The following KATNIP variants were observed in gnomAD, a reference collection of about 807,000 sequenced individuals.
The protein encoded by KATNIP is katanin-interacting protein.
In KATNIP, 126 loss-of-function variants were observed where a neutral mutation model predicts 174.0. The ratio of observed to expected loss-of-function variants is 0.72; its 90% CI spans 0.63 to 0.84. The LOEUF is 0.84. Among genes scored for constraint, KATNIP ranks in the 40% least tolerant of loss-of-function variants. The probability of loss-of-function intolerance (pLI) is 0.00; values close to 1 mark genes in which losing one functional copy is unlikely to be tolerated. For synonymous variants in KATNIP, 810 were observed against 835.7 expected, an observed-to-expected ratio of 0.97 and a Z score of 0.53; for missense variants, 1,958 against 2,109.7, an observed-to-expected ratio of 0.93 and a Z score of 1.41.
intron 1 of KATNIP, among the ~76,000 whole-genome samples, chr16:27,573,669 G>A (rs1278314332): frequency 6.6e-6 from 1 of 152,230 alleles, no homozygotes; most frequent in Non-Finnish European, 1.5e-5. Context: ...AAAGGCTGGA[G>A]CTTTGTTCAT....
intron 2 of KATNIP, among the ~76,000 whole-genome samples, chr16:27,599,776 G>A (rs1436526132): frequency 6.6e-6 from 1 of 152,208 alleles, no homozygotes; most frequent in Non-Finnish European, 1.5e-5. Flanking sequence ...CAGTGGTCTG[G>A]AGTCTCAGGG....
rs61742780 is a variant in KATNIP, at chr16:27,628,729, C to G, written c.209C>G (p.Ser70Cys). 9.3e-4 allele frequency: 1,507 copies of G among 1,614,216 alleles called. 12 individuals are homozygous for G. In the African/African-American group the frequency reaches 0.018, roughly 19 times the overall value. Residue 70 changes from serine to cysteine, a missense_variant, in exon 4 of 28, where the codon TCT becomes TGT. Coordinates refer to ENST00000261588, the MANE Select transcript of KATNIP (RefSeq NM_015202.5). The stretch of plus-strand genomic sequence containing the variant: ...CTGGAGCACTTGGAGCAAGGTTTCT[C>G]TGTCTATGTCAACGGTGCCAATTCG... Reference protein sequence around the residue: ...LRLEHLEQGFSVYVNGANSEL... With the variant: ...LRLEHLEQGFCVYVNGANSEL...
chr16:27,623,823 A>G (rs1166203625), intron 3 of KATNIP, among the ~76,000 whole-genome samples: 1 of 152,072 alleles, frequency 6.6e-6, no homozygotes, highest in Non-Finnish European at 1.5e-5. Context: ...CTCAGTCATA[A>G]GCCTAGTCAC....
intron 18 of KATNIP, chr16:27,754,474 T>C (rs550180552): frequency 1.8e-6 from 1 of 556,854 alleles, no homozygotes; most frequent in South Asian, 2.2e-5. Context: ...TCTTAGCATT[T>C]TGCCTTCCCT....
intron 14 of KATNIP, among the ~76,000 whole-genome samples, chr16:27,724,500 AG>A (rs2080365619): frequency 6.6e-6 from 1 of 152,234 alleles, no homozygotes; most frequent in African/African-American, 2.4e-5. Flanking sequence ...AAAAAGGCAC[AG>A]GGTCTTAAGA....
intron 5 of KATNIP, among the ~76,000 whole-genome samples, chr16:27,644,879 T>G (rs2076913298): frequency 6.6e-6 from 1 of 152,162 alleles, no homozygotes; most frequent in Non-Finnish European, 1.5e-5. Flanking sequence ...CTGTTCTATC[T>G]TTCAGTAACA....
intron 1 of KATNIP, among the ~76,000 whole-genome samples, chr16:27,557,416 G>A (rs549652412): frequency 1.2e-4 from 17 of 145,422 alleles, no homozygotes; most frequent in African/African-American, 4.3e-4. Flanking sequence ...AAAGTGCTAC[G>A]GTTACAGGTG....
At chr16:27,579,855 A>G (rs1046852765) in intron 2 of KATNIP, among the ~76,000 whole-genome samples, 1 of 152,008 alleles carries the variant, frequency 6.6e-6, no homozygotes, top group South Asian at 2.1e-4. Context: ...ATGCATGCAC[A>G]TGCACACACA....
chr16:27,777,093 A>C lies in KATNIP; in HGVS notation c.4551+64A>C. ...CTCGTTGGTAATTAGGCCGCCGGCA[A>C]TTATCATTTGTCGCAGTTTGATTTA... is the stretch of plus-strand genomic sequence containing the variant. On this transcript the variant is annotated intron_variant, in intron 25 of 27. Transcript: ENST00000261588. This position sits in a 1 kb window ranked among gnomAD's most constrained non-coding sequence, Gnocchi z 4.4. The C allele has an allele frequency of 9.6e-7, 1 of 1,044,402 alleles. No homozygotes were observed. The highest frequency in any genetic ancestry group is 1.5e-6 in the Non-Finnish European group (1 of 666,210). The allele number at this position is 1,044,402 out of a possible 1,614,324, so 64.7% of individuals were successfully genotyped here. A position where few individuals can be genotyped will look rare whatever the true frequency, so the allele number is the denominator to read the frequency against.
intron 24 of KATNIP, 79 bp downstream of exon 24, chr16:27,775,163 A>G (rs1196150196): frequency 1.3e-6 from 2 of 1,504,712 alleles, no homozygotes; most frequent in Non-Finnish European, 1.8e-6. Context: ...TCTCAGTGAC[A>G]CGTCTTTCTT....
intron 3 of KATNIP, among the ~76,000 whole-genome samples, chr16:27,628,298 T>C (rs2076388964): frequency 6.6e-6 from 1 of 152,240 alleles, no homozygotes. Flanking sequence ...TTGCATAAAA[T>C]TGGGATCTTT....
chr16:27,750,253 C>T lies in KATNIP; in HGVS notation c.3293C>T (p.Thr1098Ile), dbSNP rs752323853. 4 of 1,613,998 alleles carry T rather than the reference C, an allele frequency of 2.5e-6. No homozygotes were observed. The highest frequency in any genetic ancestry group is 3.4e-6 in the Non-Finnish European group (4 of 1,179,942). ...AAGGACATCACAATGCTGTTAGACA[C>T]CCAGTGCATCTTTGAAGGAGAAATC... ...GVKDITMLLD[T>I]QCIFEGEIAK... Residue 1098 changes from threonine to isoleucine, a missense_variant, in exon 16 of 28, where the codon ACC becomes ATC. Around this residue, in one of 3 missense-constraint regions of KATNIP, gnomAD observed 1,557 missense variants for 1,617.8 expected, o/e 0.96. Coordinates refer to ENST00000261588, the MANE Select transcript of KATNIP (RefSeq NM_015202.5).
In KATNIP at chr16:27,655,222, A is replaced by T. The variant is rs1348722278; in HGVS notation, c.540+6487A>T. 1.4e-3 allele frequency among the ~76,000 whole-genome samples: 102 copies of T among 75,504 alleles called. 2 individuals carry two copies. The highest frequency in any genetic ancestry group is 5.5e-3 in the African/African-American group (96 of 17,594). The allele number at this position is 75,504 out of a possible 152,430, so 49.5% of individuals were successfully genotyped here. On this transcript the variant is annotated intron_variant, in intron 6 of 27. Transcript: ENST00000261588. ...TATATATATATATATATATATATAT[A>T]TATATATTTTGTTTGTTTGTTTGTT...
chr16:27,749,550 C>A, intron 15 of KATNIP, 34 bp from the exon 16 acceptor site: 1 of 1,515,052 alleles, frequency 6.6e-7, no homozygotes, highest in South Asian at 1.3e-5. Context: ...ATGCCACTCA[C>A]AGGGCTTCCC....
At chr16:27,572,867 A>G (rs369517105) in intron 1 of KATNIP, among the ~76,000 whole-genome samples, 3 of 152,340 alleles carry the variant, frequency 2.0e-5, no homozygotes, top group African/African-American at 7.2e-5. Flanking sequence ...TTGGCCTTAG[A>G]GTCTGGCCGT....
intron 1 of KATNIP, among the ~76,000 whole-genome samples, chr16:27,571,064 A>G (rs2090273789): frequency 6.6e-6 from 1 of 151,986 alleles, no homozygotes; most frequent in African/African-American, 2.4e-5. Context: ...ACAGAGTCTC[A>G]CTCCTTTACC....
chr16:27,738,166 C>T (rs1422207973), intron 14 of KATNIP, among the ~76,000 whole-genome samples: 3 of 151,932 alleles, frequency 2.0e-5, no homozygotes, highest in Non-Finnish European at 4.4e-5. Flanking sequence ...CTGAAAGAGC[C>T]GAGCAAAAAA....
In KATNIP at chr16:27,776,350, G is replaced by A. The variant is rs1048811165; in HGVS notation, c.4450-578G>A. 3.9e-5 allele frequency among the ~76,000 whole-genome samples: 6 copies of A among 152,144 alleles called. No homozygotes were observed. The highest frequency in any genetic ancestry group is 8.8e-5 in the Non-Finnish European group (6 of 68,032). ...ATATCTGAGAGCTTTGGTTGGGGGT[G>A]GGGAGAGGGAGGGCTGTTTGAGGCT... is the stretch of plus-strand genomic sequence containing the variant. On this transcript the variant is annotated intron_variant, in intron 24 of 27. Coordinates refer to ENST00000261588, the MANE Select transcript of KATNIP (RefSeq NM_015202.5). This position sits in a 1 kb window ranked among gnomAD's most constrained non-coding sequence, Gnocchi z 4.7.
At chr16:27,559,334 A>T (rs2089756761) in intron 1 of KATNIP, among the ~76,000 whole-genome samples, 1 of 152,092 alleles carries the variant, frequency 6.6e-6, no homozygotes, top group Non-Finnish European at 1.5e-5. Flanking sequence ...TCACACCCAG[A>T]GGTTTTACAC....
Sources: allele counts gnomAD v4.1 joint callset (sites outside exome capture counted in the v4.1 genomes callset), GRCh38; gene constraint gnomAD v4.1.1; regional missense constraint gnomAD v4.1.1; non-coding constraint Gnocchi (gnomAD v3.1); transcripts MANE v1.5; gene names NCBI Gene and HGNC (gene_info 2026-07-23, HGNC 2026-07-21).